PRR3: variants seen among roughly 807,000 people sequenced by gnomAD.
The protein encoded by PRR3 is proline-rich protein 3.
A neutral mutation model predicts 22.4 loss-of-function variants in PRR3; 16 were observed. The observed-to-expected ratio is 0.71, with a 90% CI of 0.48 to 1.09. The LOEUF is 1.09. Ranked by LOEUF, PRR3 falls within the 50% of genes least tolerant of loss-of-function variation. The pLI, the probability that PRR3 is intolerant of heterozygous loss-of-function variation, is 0.00. For missense variants in PRR3, 224 were observed against 243.4 expected (o/e 0.92, Z 0.53); for synonymous variants, 87 against 88.6 (o/e 0.98, Z 0.10).
rs1409175061 is a variant in PRR3 at position 30,562,538 on chromosome 6, C to T, written c.*43C>T. ...CAGGCTGGAAGGAGCTCTCTGTGAC[C>T]TAGCGGCCATTTATTTCTCTGTAGC... On this transcript the variant is annotated 3_prime_UTR_variant, in exon 4 of 4. Transcript: ENST00000376560. 6.3e-6 allele frequency: 8 copies of T among 1,265,504 alleles called. No homozygotes were observed. Among genetic ancestry groups the T allele is most frequent in the Non-Finnish European group, 9.2e-6 (8 of 868,768 alleles). 78.4% of individuals were successfully genotyped at this position (1,265,504 alleles called of 1,614,324 possible).
Position 30,562,687 on chromosome 6 carries a change from T to G in PRR3, c.*192T>G, listed in dbSNP as rs1800723822. On this transcript the variant is annotated 3_prime_UTR_variant, in exon 4 of 4. Transcript: ENST00000376560. ...ATCACTGGTGCGCGGCATACGCGCT[T>G]TCTTCTGATCCAGCCTGTAGAGACT... 5.7e-6 allele frequency: 3 copies of G among 530,486 alleles called. No individual in the cohort carries two copies. Among genetic ancestry groups the G allele is most frequent in the Non-Finnish European group, 1.0e-5 (3 of 299,300 alleles). The allele number at this position is 530,486 out of a possible 1,614,324, so 32.9% of individuals were successfully genotyped here. A position where few individuals can be genotyped will look rare whatever the true frequency, so the allele number is the denominator to read the frequency against.
At chr6:30,559,800 G>C (rs974707396) in intron 2 of PRR3, among the ~76,000 whole-genome samples, 1 of 151,268 alleles carries the variant, frequency 6.6e-6, no homozygotes, top group Non-Finnish European at 1.5e-5. Flanking sequence ...CCTGCTTCCA[G>C]GTATATATCA....
intron 1 of PRR3, among the ~76,000 whole-genome samples, chr6:30,557,948 G>A (rs1800369442): frequency 6.6e-6 from 1 of 152,192 alleles, no homozygotes; most frequent in Admixed American, 6.5e-5. Context: ...CCCTTTGATT[G>A]AATATCTACT....
chr6:30,562,246 C>A, intron 3 of PRR3, 122 bp downstream of exon 3: 1 of 1,258,844 alleles, frequency 7.9e-7, no homozygotes, highest in Non-Finnish European at 1.1e-6. Flanking sequence ...AATGTTATTT[C>A]TCCCAGGAGA....
At position 30,562,721 on chromosome 6, in the gene PRR3, G is replaced by T; in HGVS notation, c.*226G>T. 4.8e-6 allele frequency: 2 copies of T among 413,230 alleles called. No individual in the cohort carries two copies. The highest frequency in any genetic ancestry group is 4.3e-6 in the Non-Finnish European group (1 of 232,142). 25.6% of individuals were successfully genotyped at this position (413,230 alleles called of 1,614,324 possible). ...TCCAGCCTGTAGAGACTCGCCTTTG[G>T]GACCCATCTTTGCTTCCTTTCAGTT... On this transcript the variant is annotated 3_prime_UTR_variant, in exon 4 of 4. Coordinates refer to ENST00000376560, the MANE Select transcript of PRR3 (RefSeq NM_025263.4).
At chr6:30,558,708 A>G (rs1800420353) in intron 2 of PRR3, among the ~76,000 whole-genome samples, 1 of 152,210 alleles carries the variant, frequency 6.6e-6, no homozygotes, top group South Asian at 2.1e-4. Context: ...CAATAGTTAC[A>G]ACGATGCAGT....
rs1800323600 is a variant in PRR3, at chr6:30,557,416, A to G, written c.72A>G (p.Glu24=). The G allele has an allele frequency of 3.7e-6, 6 of 1,612,236 alleles. No individual in the cohort carries two copies. Among genetic ancestry groups the G allele is most frequent in the Non-Finnish European group, 5.1e-6 (6 of 1,179,724 alleles). ...AGCAGCCCCCGCTGCCCGAGCGGGA[A>G]GAGACTGGAGATGAGGAGGATGGGA... ...TQQQPPLPER[E]ETGDEEDGSP... is the part of the protein sequence containing the mutation. The change falls in exon 1 of 4, where the codon GAA becomes GAG. Residue 24 remains glutamate, a synonymous_variant. Transcript: ENST00000376560.
chr6:30,562,794 A>C lies in PRR3; in HGVS notation c.*299A>C. The C allele has an allele frequency of 6.7e-6, 2 of 296,506 alleles. No individual in the cohort carries two copies. Among genetic ancestry groups the C allele is most frequent in the South Asian group, 1.0e-4 (1 of 9,932 alleles). 18.4% of individuals were successfully genotyped at this position (296,506 alleles called of 1,614,324 possible). A position where few individuals can be genotyped will look rare whatever the true frequency, so the allele number is the denominator to read the frequency against. On this transcript the variant is annotated 3_prime_UTR_variant, in exon 4 of 4. Coordinates refer to ENST00000376560, the MANE Select transcript of PRR3 (RefSeq NM_025263.4). ...TCATCAAATGACTGCTGAACAGGAA[A>C]CCTCTTTGGTGCTGTTTCTTGTGCA...
rs531708070 is a variant in PRR3, at chr6:30,557,412, G to A, written c.68G>A (p.Arg23Gln). 10 of 1,612,390 alleles carry A rather than the reference G, an allele frequency of 6.2e-6. No individual in the cohort carries two copies. Among genetic ancestry groups the A allele is most frequent in the Non-Finnish European group, 8.5e-6 (10 of 1,179,888 alleles). Residue 23 changes from arginine to glutamine, a missense_variant, in exon 1 of 4, where the codon CGG becomes CAG. By Grantham distance (43) the Arg-to-Gln change is conservative. Coordinates refer to ENST00000376560, the MANE Select transcript of PRR3 (RefSeq NM_025263.4). ...PTQQQPPLPEREETGDEEDGS... is the reference protein window; with the variant it reads ...PTQQQPPLPEQEETGDEEDGS... ...CAGCAGCAGCCCCCGCTGCCCGAGC[G>A]GGAAGAGACTGGAGATGAGGAGGAT...
chr6:30,562,265 C>T, intron 3 of PRR3, 124 bp from the exon 4 acceptor site: 1 of 1,189,964 alleles, frequency 8.4e-7, no homozygotes, highest in Non-Finnish European at 1.2e-6. Context: ...GAAAGACTAC[C>T]ATTCCAAAAT....
upstream of PRR3, chr6:30,556,825 G>T: frequency 1.9e-6 from 1 of 521,426 alleles, no homozygotes; most frequent in Admixed American, 3.4e-5. The surrounding 1 kb of genome is among the most constrained non-coding windows in gnomAD (Gnocchi z 5.7). Flanking sequence ...CAAATTCCTT[G>T]TGGGAACGAT....
In PRR3 at chr6:30,562,132, C is replaced by G; in HGVS notation, c.460+8C>G. 8 of 1,558,248 alleles carry G rather than the reference C, an allele frequency of 5.1e-6. No homozygotes were observed. The highest frequency in any genetic ancestry group is 6.1e-6 in the Non-Finnish European group (7 of 1,155,842). ...ACCCCCAGGTTATGGAAGGTGAGGT[C>G]CATTTTGTTATGCCCATTACTCCCA... On this transcript the variant is annotated splice_region_variant and intron_variant, in intron 3 of 3. Coordinates refer to ENST00000376560, the MANE Select transcript of PRR3 (RefSeq NM_025263.4).
chr6:30,562,089 C>T lies in PRR3; in HGVS notation c.425C>T (p.Thr142Ile). The change falls in exon 3 of 4, where the codon ACC (threonine) becomes ATC (isoleucine). Residue 142 changes from threonine to isoleucine, a missense_variant. Thr to Ile is a moderately conservative substitution (Grantham distance 89, BLOSUM62 -1). Coordinates refer to ENST00000376560, the MANE Select transcript of PRR3 (RefSeq NM_025263.4). ...RLKSWSLIKN[T>I]CPPKDDPQVM... ...AAAAGCTGGTCTCTTATCAAGAATA[C>T]CTGCCCGCCCAAGGATGACCCCCAG... is the stretch of plus-strand genomic sequence containing the variant. 1 of 1,604,674 alleles carries T rather than the reference C, an allele frequency of 6.2e-7. No individual in the cohort carries two copies. The highest frequency in any genetic ancestry group is 1.3e-5 in the African/African-American group (1 of 74,776).
At chr6:30,556,990 G>A (rs1394671917), upstream of PRR3, 1 of 656,088 alleles carries the variant, frequency 1.5e-6, no homozygotes, top group Non-Finnish European at 2.8e-6. This position sits in a 1 kb window ranked among gnomAD's most constrained non-coding sequence, Gnocchi z 5.7. Context: ...ATCTTACGGT[G>A]CGACAGTCCT....
chr6:30,561,503 C>T lies in PRR3; in HGVS notation c.170-331C>T. ...GAAAGGAGCCAGACATAAAAGAATG[C>T]AGACTGTATGATTCCATTTTTGTGA... On this transcript the variant is annotated intron_variant, in intron 2 of 3. Transcript: ENST00000376560. This position sits in a 1 kb window ranked among gnomAD's most constrained non-coding sequence, Gnocchi z 4.0. 1.7e-6 allele frequency: 1 copy of T among 573,982 alleles called. No individual in the cohort carries two copies. Among genetic ancestry groups the T allele is most frequent in the African/African-American group, 1.8e-5 (1 of 54,282 alleles). The allele number at this position is 573,982 out of a possible 1,614,324, so 35.6% of individuals were successfully genotyped here.
chr6:30,557,422 T>A lies in PRR3; in HGVS notation c.78T>A (p.Thr26=). ...CCCCGCTGCCCGAGCGGGAAGAGAC[T>A]GGAGATGAGGAGGATGGGAGTCCCA... is the stretch of plus-strand genomic sequence containing the variant. ...QQPPLPEREE[T]GDEEDGSPIG... The change falls in exon 1 of 4, where the codon ACT becomes ACA. Residue 26 remains threonine (T), a synonymous_variant. Transcript: ENST00000376560. 6.2e-7 allele frequency: 1 copy of A among 1,611,546 alleles called. No homozygotes were observed. The highest frequency in any genetic ancestry group is 8.5e-7 in the Non-Finnish European group (1 of 1,179,512).
chr6:30,556,924 G>A (rs1259178305), upstream of PRR3: 3 of 612,046 alleles, frequency 4.9e-6, no homozygotes, highest in African/African-American at 1.8e-5. This position sits in a 1 kb window ranked among gnomAD's most constrained non-coding sequence, Gnocchi z 5.7. Context: ...GGAGGTCAAA[G>A]GGCACGAAGT....
intron 2 of PRR3, chr6:30,558,563 G>C (rs1428845207): frequency 3.6e-6 from 1 of 277,454 alleles, no homozygotes; most frequent in East Asian, 7.0e-5. Flanking sequence ...GGTGGCACAC[G>C]CCTGTAGTCC....
chr6:30,559,831 A>G (rs944781080), intron 2 of PRR3, among the ~76,000 whole-genome samples: 1 of 152,132 alleles, frequency 6.6e-6, no homozygotes, highest in African/African-American at 2.4e-5. Context: ...AATGGAAAGC[A>G]GGGTCTTGAG....
Sources: gnomAD v4.1 joint callset for allele counts (sites outside exome capture counted in the v4.1 genomes callset) on GRCh38, gnomAD v4.1.1 for gene constraint, Gnocchi (gnomAD v3.1) non-coding constraint, MANE v1.5 for transcripts, NCBI Gene and HGNC (gene_info 2026-07-23, HGNC 2026-07-21) for gene names.